Variants in DCC observed in about 807,000 individuals in gnomAD.
DCC encodes the protein netrin receptor DCC.
Under a neutral mutation model 172.5 loss-of-function variants are expected in DCC, and 58 were observed. That is an observed-to-expected ratio of 0.34 (90% CI 0.27 to 0.42). The LOEUF (loss-of-function observed/expected upper bound fraction) is 0.42, where lower values mean the gene tolerates loss of function less well. Ranked by LOEUF, DCC falls within the 10% of genes least tolerant of loss-of-function variation. The pLI, the probability that DCC is intolerant of heterozygous loss-of-function variation, is 1.00. For synonymous variants in DCC, 709 were observed against 644.5 expected, an observed-to-expected ratio of 1.10 and a Z score of -1.52; for missense variants, 1,740 against 1,791.0, an observed-to-expected ratio of 0.97 and a Z score of 0.51.
chr18:53,104,093 A>G (rs1389622337), intron 7 of DCC, among the ~76,000 whole-genome samples: 1 of 152,090 alleles, frequency 6.6e-6, no homozygotes, highest in Non-Finnish European at 1.5e-5. Context: ...AATTGGTAAT[A>G]CTGATTTTCC....
intron 25 of DCC, among the ~76,000 whole-genome samples, chr18:53,469,938 G>A (rs951124175): frequency 1.3e-5 from 2 of 152,078 alleles, no homozygotes; most frequent in African/African-American, 4.8e-5. Context: ...AGAAACAGTT[G>A]ACATAGGTTC....
At chr18:53,506,911 G>C (rs1488785827) in intron 27 of DCC, among the ~76,000 whole-genome samples, 1 of 150,226 alleles carries the variant, frequency 6.7e-6, no homozygotes, top group African/African-American at 2.4e-5. Flanking sequence ...GTCAGTCAGA[G>C]TCCTAAGGAC....
chr18:53,353,107 G>T (rs7235844), intron 15 of DCC, among the ~76,000 whole-genome samples: 9 of 151,678 alleles, frequency 5.9e-5, no homozygotes, highest in Non-Finnish European at 1.3e-4. Flanking sequence ...GAGAAATCTC[G>T]TTTCTACTAA....
In DCC at chr18:53,305,708, A is replaced by G; in HGVS notation, c.2042A>G (p.Tyr681Cys). 1 of 1,614,010 alleles carries G rather than the reference A, an allele frequency of 6.2e-7. No homozygotes were observed. Among genetic ancestry groups the G allele is most frequent in the Non-Finnish European group, 8.5e-7 (1 of 1,179,888 alleles). ...ACACTGGAGCCAAACAACCTCTGGTACCTATTCACAGGTCAGTGTTCACAT... is the reference window on the plus strand; with the variant it reads ...ACACTGGAGCCAAACAACCTCTGGTGCCTATTCACAGGTCAGTGTTCACAT... ...METLEPNNLW[Y>C]LFTGLEKGSQ... The change falls in exon 13 of 29, where the codon TAC (tyrosine) becomes TGC (cysteine). Residue 681 changes from tyrosine to cysteine, a missense_variant. By Grantham distance (194) the Tyr-to-Cys change is radical. This residue lies in a region of DCC where 1,732 missense variants were observed against 1,767.4 expected (regional missense o/e 0.98). Coordinates refer to ENST00000442544, the MANE Select transcript of DCC (RefSeq NM_005215.4).
At chr18:52,872,155 TC>T (rs930249456) in intron 2 of DCC, among the ~76,000 whole-genome samples, 40 of 152,102 alleles carry the variant, frequency 2.6e-4, no homozygotes, top group African/African-American at 9.2e-4. Context: ...TTATCCCCGC[TC>T]CCCAATTGGG....
intron 1 of DCC, among the ~76,000 whole-genome samples, chr18:52,550,740 T>C (rs1176388187): frequency 6.6e-6 from 1 of 152,124 alleles, no homozygotes; most frequent in Non-Finnish European, 1.5e-5. Context: ...GGTACCTCTT[T>C]CCATCTCTCC....
At chr18:52,512,469 G>A (rs2031478331) in intron 1 of DCC, among the ~76,000 whole-genome samples, 1 of 152,068 alleles carries the variant, frequency 6.6e-6, no homozygotes, top group Non-Finnish European at 1.5e-5. Flanking sequence ...GCTGGATTTA[G>A]CTAATTTTTA....
chr18:53,432,422 A>G (rs1268513445), intron 21 of DCC, among the ~76,000 whole-genome samples: 1 of 152,184 alleles, frequency 6.6e-6, no homozygotes, highest in African/African-American at 2.4e-5. Flanking sequence ...TGAAAGAATT[A>G]TTACCAGTTT....
intron 5 of DCC, among the ~76,000 whole-genome samples, chr18:52,970,991 C>A (rs574988303): frequency 6.4e-4 from 97 of 152,216 alleles, no homozygotes; most frequent in African/African-American, 2.2e-3. Flanking sequence ...AAGAGAGGGT[C>A]ATAATTATTA....
intron 5 of DCC, among the ~76,000 whole-genome samples, chr18:52,931,298 T>C (rs1279938594): frequency 6.6e-6 from 1 of 152,154 alleles, no homozygotes; most frequent in Admixed American, 6.6e-5. Flanking sequence ...AGAACTTTAT[T>C]ATCAATGTTA....
At chr18:53,377,483 A>T (rs1376562549) in intron 15 of DCC, among the ~76,000 whole-genome samples, 1 of 152,176 alleles carries the variant, frequency 6.6e-6, no homozygotes, top group East Asian at 1.9e-4. Flanking sequence ...TCATGAGGCC[A>T]GAGCCCTTGT....
At chr18:52,566,725 C>T (rs934268083) in intron 1 of DCC, among the ~76,000 whole-genome samples, 1 of 151,924 alleles carries the variant, frequency 6.6e-6, no homozygotes, top group African/African-American at 2.4e-5. Context: ...TGAAGAAGGC[C>T]TAAAAAATGA....
At chr18:52,409,786 T>C (rs931052415) in intron 1 of DCC, among the ~76,000 whole-genome samples, 1 of 152,158 alleles carries the variant, frequency 6.6e-6, no homozygotes, top group Non-Finnish European at 1.5e-5. Flanking sequence ...ATTAATGTCA[T>C]GACTGGTCAT....
chr18:52,732,453 T>G (rs2036658022), intron 1 of DCC, among the ~76,000 whole-genome samples: 1 of 152,214 alleles, frequency 6.6e-6, no homozygotes, highest in African/African-American at 2.4e-5. Flanking sequence ...TTATGTGACT[T>G]CATTTATTGT....
intron 1 of DCC, among the ~76,000 whole-genome samples, chr18:52,609,383 T>C (rs2034201978): frequency 6.6e-6 from 1 of 151,016 alleles, no homozygotes; most frequent in African/African-American, 2.4e-5. Flanking sequence ...GGTTTTGATC[T>C]TATTACAATA....
At chr18:52,852,994 CATA>C (rs2039000251) in intron 2 of DCC, among the ~76,000 whole-genome samples, 2 of 152,134 alleles carry the variant, frequency 1.3e-5, no homozygotes, top group Non-Finnish European at 2.9e-5. Flanking sequence ...TACCTCTTGA[CATA>C]ATCCATTCAT....
intron 2 of DCC, among the ~76,000 whole-genome samples, chr18:52,896,202 T>C (rs1318567654): frequency 6.6e-6 from 1 of 152,190 alleles, no homozygotes; most frequent in Non-Finnish European, 1.5e-5. Context: ...ACTGATAGGC[T>C]AAGGTCCTAT....
intron 1 of DCC, among the ~76,000 whole-genome samples, chr18:52,566,466 A>G (rs957161836): frequency 1.3e-5 from 2 of 152,096 alleles, no homozygotes; most frequent in Non-Finnish European, 2.9e-5. Context: ...ATGCATACCT[A>G]TGTAACAAAC....
intron 15 of DCC, among the ~76,000 whole-genome samples, chr18:53,382,667 G>T (rs1212412363): frequency 6.6e-6 from 1 of 152,002 alleles, no homozygotes; most frequent in African/African-American, 2.4e-5. Flanking sequence ...ATCTCAAAGC[G>T]CATTTAACAC....
Sources: gnomAD v4.1 joint callset for allele counts (sites outside exome capture counted in the v4.1 genomes callset) on GRCh38, gnomAD v4.1.1 for gene constraint, gnomAD v4.1.1 regional missense constraint, MANE v1.5 for transcripts, NCBI Gene and HGNC (gene_info 2026-07-23, HGNC 2026-07-21) for gene names.